The following FAM53B variants were observed in gnomAD, a reference collection of about 807,000 sequenced individuals.
The protein encoded by FAM53B is family with sequence similarity 53 member B, also known as protein FAM53B.
A neutral mutation model predicts 32.7 loss-of-function variants in FAM53B; 12 were observed. The ratio of observed to expected loss-of-function variants is 0.37; its 90% CI spans 0.24 to 0.59. The LOEUF (loss-of-function observed/expected upper bound fraction) is 0.59, where lower values mean the gene tolerates loss of function less well. FAM53B is among the 20% of genes least tolerant of loss of function. The pLI, the probability that FAM53B is intolerant of heterozygous loss-of-function variation, is 0.72. For synonymous variants in FAM53B, 234 were observed against 228.7 expected (o/e 1.02, Z -0.21); for missense variants, 477 against 577.7 (o/e 0.83, Z 1.79).
chr10:124,730,443 C>T (rs1400560685), intron 1 of FAM53B, among the ~76,000 whole-genome samples: 1 of 152,244 alleles, frequency 6.6e-6, no homozygotes, highest in African/African-American at 2.4e-5. Flanking sequence ...CCCAGGTTCC[C>T]TCTGCCACAG....
At chr10:124,717,238 C>T (rs930075943) in intron 1 of FAM53B, among the ~76,000 whole-genome samples, 2 of 152,112 alleles carry the variant, frequency 1.3e-5, no homozygotes, top group Non-Finnish European at 2.9e-5. Flanking sequence ...AGATAAGCTC[C>T]GTTTCTGACT....
At chr10:124,723,750 G>C (rs1169781146) in intron 1 of FAM53B, among the ~76,000 whole-genome samples, 1 of 152,262 alleles carries the variant, frequency 6.6e-6, no homozygotes, top group Non-Finnish European at 1.5e-5. Context: ...GCCTCTGCAG[G>C]AACCCCAGTG....
intron 4 of FAM53B, among the ~76,000 whole-genome samples, chr10:124,660,204 G>A (rs1047380520): frequency 1.1e-4 from 16 of 152,192 alleles, no homozygotes; most frequent in African/African-American, 3.6e-4. Flanking sequence ...TGGAGCGGAA[G>A]AGCCCCACCA....
intron 4 of FAM53B, among the ~76,000 whole-genome samples, chr10:124,624,965 T>C (rs1481707842): frequency 6.6e-6 from 1 of 152,124 alleles, no homozygotes; most frequent in Non-Finnish European, 1.5e-5. Flanking sequence ...TTCCAGCCTT[T>C]AGTTTCTTCC....
At chr10:124,647,297 C>T (rs1276709412) in intron 4 of FAM53B, among the ~76,000 whole-genome samples, 2 of 152,156 alleles carry the variant, frequency 1.3e-5, no homozygotes, top group South Asian at 2.1e-4. Flanking sequence ...CAGAAAGCCA[C>T]GGCAAATCTC....
intron 4 of FAM53B, among the ~76,000 whole-genome samples, chr10:124,671,524 C>T (rs1949706944): frequency 6.6e-6 from 1 of 152,258 alleles, no homozygotes; most frequent in Non-Finnish European, 1.5e-5. Context: ...CAGGCCCTGG[C>T]TGATCCAGGA....
At chr10:124,666,470 G>A (rs1473373795) in intron 4 of FAM53B, among the ~76,000 whole-genome samples, 4 of 152,192 alleles carry the variant, frequency 2.6e-5, no homozygotes, top group South Asian at 2.1e-4. Flanking sequence ...AGAACCTGAC[G>A]CGAGTGGCTC....
At chr10:124,700,526 G>A (rs562518775) in intron 2 of FAM53B, among the ~76,000 whole-genome samples, 71 of 152,230 alleles carry the variant, frequency 4.7e-4, no homozygotes, top group Non-Finnish European at 7.5e-4. Context: ...CTCTGTTCCC[G>A]AGCCCACGCC....
chr10:124,633,928 A>G (rs950859492), intron 4 of FAM53B, among the ~76,000 whole-genome samples: 4 of 152,268 alleles, frequency 2.6e-5, no homozygotes, highest in Admixed American at 2.6e-4. Flanking sequence ...AAATTTGATA[A>G]AAACATTTAC....
At chr10:124,629,635 A>C (rs1009843854) in intron 4 of FAM53B, among the ~76,000 whole-genome samples, 16 of 152,340 alleles carry the variant, frequency 1.1e-4, no homozygotes, top group African/African-American at 3.6e-4. Flanking sequence ...GAATTCTCCA[A>C]GTATCAAGAA....
At chr10:124,740,312 CA>C (rs151093479) in intron 1 of FAM53B, among the ~76,000 whole-genome samples, 7,698 of 152,226 alleles carry the variant, frequency 0.051, 625 homozygotes, top group African/African-American at 0.17. Flanking sequence ...GATTAAGCAT[CA>C]AAGAAGTTAC....
chr10:124,630,378 T>G (rs1468724218), intron 4 of FAM53B, among the ~76,000 whole-genome samples: 3 of 152,054 alleles, frequency 2.0e-5, no homozygotes, highest in Admixed American at 6.6e-5. Context: ...TGCACCACTG[T>G]ACTCCAGCCT....
chr10:124,641,808 A>C (rs914953260), intron 4 of FAM53B, among the ~76,000 whole-genome samples: 1 of 152,216 alleles, frequency 6.6e-6, no homozygotes, highest in Admixed American at 6.5e-5. Context: ...AGCACTGATA[A>C]GACTTACAGG....
rs1949777462 is a variant in FAM53B, at chr10:124,682,184, C to T, written c.329G>A (p.Ser110Asn). ...DHNGNPSAPPSKRQCRSLSFS... is the reference protein window; with the variant it reads ...DHNGNPSAPPNKRQCRSLSFS... ...GGACAGTGAGCGGCACTGGCGCTTG[C>T]TAGGGGGTGCTGAGGGGTTCCCGTT... Residue 110 changes from serine (S) to asparagine (N), a missense_variant, in exon 4 of 5, where the codon AGC becomes AAC. Physicochemically the swap from Ser to Asn is conservative, Grantham distance 46. Transcript: ENST00000337318. The surrounding 1 kb of genome is among the most constrained non-coding windows in gnomAD (Gnocchi z 5.2). 1 of 1,613,590 alleles carries T rather than the reference C, an allele frequency of 6.2e-7. No individual in the cohort carries two copies. Among genetic ancestry groups the T allele is most frequent in the Admixed American group, 1.7e-5 (1 of 59,946 alleles).
In FAM53B at chr10:124,638,528, G is replaced by A. The variant is rs1020949081; in HGVS notation, c.907-14924C>T. Among the ~76,000 whole-genome samples, 3 of 152,218 alleles carry A rather than the reference G, an allele frequency of 2.0e-5. No individual in the cohort carries two copies. The East Asian group carries it at 5.8e-4, about 29-fold the overall frequency. On this transcript the variant is annotated intron_variant, in intron 4 of 4. Coordinates refer to ENST00000337318, the MANE Select transcript of FAM53B (RefSeq NM_014661.4). ...GAAATGAGATCACAAGCAGCTCGGG[G>A]CTCAGAGGGGTTTGAACAGCACCTG...
At position 124,721,528 on chromosome 10, in the gene FAM53B, C is replaced by T. The variant is rs531134310; in HGVS notation, c.-174-14641G>A. Among the ~76,000 whole-genome samples the T allele has an allele frequency of 2.0e-5, 3 of 152,362 alleles. No individual in the cohort carries two copies. The South Asian group carries it at 6.2e-4, about 32-fold the overall frequency. ...TCTGTAAGGGAGTCTCCCCAAGCGACGCCAACCACACCCCTGGGCGAACCT... is the reference window on the plus strand; with the variant it reads ...TCTGTAAGGGAGTCTCCCCAAGCGATGCCAACCACACCCCTGGGCGAACCT... On this transcript the variant is annotated intron_variant, in intron 1 of 4. Coordinates refer to ENST00000337318, the MANE Select transcript of FAM53B (RefSeq NM_014661.4).
At chr10:124,644,091 C>A (rs779374561) in intron 4 of FAM53B, among the ~76,000 whole-genome samples, 3 of 152,198 alleles carry the variant, frequency 2.0e-5, no homozygotes, top group Non-Finnish European at 2.9e-5. Flanking sequence ...TCCCAGGGCA[C>A]CTGGTGGGCC....
intron 1 of FAM53B, among the ~76,000 whole-genome samples, chr10:124,725,700 T>A (rs754955763): frequency 6.6e-5 from 10 of 152,010 alleles, no homozygotes; most frequent in Admixed American, 5.9e-4. Flanking sequence ...AGATGGACAG[T>A]GGATGGTGTG....
chr10:124,734,516 T>C (rs1236608456), intron 1 of FAM53B, among the ~76,000 whole-genome samples: 1 of 152,152 alleles, frequency 6.6e-6, no homozygotes, highest in Non-Finnish European at 1.5e-5. Flanking sequence ...AGACCTCCCT[T>C]ATGCAGCCCT....
Sources: gnomAD v4.1 joint callset for allele counts (sites outside exome capture counted in the v4.1 genomes callset) on GRCh38, gnomAD v4.1.1 for gene constraint, Gnocchi (gnomAD v3.1) non-coding constraint, MANE v1.5 for transcripts, NCBI Gene and HGNC (gene_info 2026-07-23, HGNC 2026-07-21) for gene names.